A2ML1: variants seen among roughly 807,000 people sequenced by gnomAD.
A2ML1 encodes alpha-2-macroglobulin-like protein 1.
In A2ML1, 161 loss-of-function variants were observed where a neutral mutation model predicts 181.9. That is an observed-to-expected ratio of 0.89 (90% CI 0.78 to 1.01). A2ML1 has a LOEUF of 1.01. A2ML1 is among the 50% of genes least tolerant of loss of function. The probability of loss-of-function intolerance (pLI) is 0.00; values close to 1 mark genes in which losing one functional copy is unlikely to be tolerated. For synonymous variants in A2ML1, 663 were observed against 666.8 expected (o/e 0.99, Z 0.09); for missense variants, 1,670 against 1,768.1 (o/e 0.94, Z 1.00).
chr12:8,843,094 G>A, intron 11 of A2ML1, 40 bp from the exon 12 acceptor site: 2 of 1,580,016 alleles, frequency 1.3e-6, no homozygotes, highest in East Asian at 2.2e-5. Flanking sequence ...TCCATGGTTG[G>A]AGCACATGCT....
chr12:8,875,151 G>T (rs1592165106), intron 35 of A2ML1, 139 bp downstream of exon 35: 2 of 851,784 alleles, frequency 2.3e-6, no homozygotes, highest in African/African-American at 3.4e-5. Context: ...CAGTGGCGGA[G>T]GTTGAGTGGC....
chr12:8,857,783 T>C, intron 25 of A2ML1, 163 bp from the exon 26 acceptor site: 2 of 1,141,198 alleles, frequency 1.8e-6, no homozygotes, highest in Non-Finnish European at 1.3e-6. Flanking sequence ...CCCCTGTTCT[T>C]GTCCTCATTG....
chr12:8,836,639 A>T (rs908615436), intron 7 of A2ML1, among the ~76,000 whole-genome samples: 1 of 151,730 alleles, frequency 6.6e-6, no homozygotes, highest in Non-Finnish European at 1.5e-5. Flanking sequence ...GCGCGCCACC[A>T]TGCCTGGCTA....
chr12:8,878,799 C>T (rs148670136), downstream of A2ML1, among the ~76,000 whole-genome samples: 951 of 151,820 alleles, frequency 6.3e-3, 8 homozygotes, highest in African/African-American at 0.021. This position sits in a 1 kb window ranked among gnomAD's most constrained non-coding sequence, Gnocchi z 4.4. Context: ...TCCATCTCTA[C>T]CAAAAATACA....
intron 11 of A2ML1, among the ~76,000 whole-genome samples, chr12:8,842,301 TC>T (rs1256339566): frequency 9.2e-5 from 14 of 151,502 alleles, no homozygotes; most frequent in Middle Eastern, 3.4e-3. Context: ...CACTGCAAGC[TC>T]CGCCTCCCCG....
chr12:8,823,292 C>CCA lies in A2ML1; in HGVS notation c.174_175dup (p.Lys59ThrfsTer9), dbSNP rs745711489. ...GTTAAATTCACGGTTACTCTGGAGACCAAGGACAAGACCCAGAAGTTGCTA... is the reference window on the plus strand; with the variant it reads ...GTTAAATTCACGGTTACTCTGGAGACCACAAGGACAAGACCCAGAAGTTGCTA... On this transcript the variant is annotated frameshift_variant, in exon 2 of 36. Coordinates refer to ENST00000299698, the MANE Select transcript of A2ML1 (RefSeq NM_144670.6). LOFTEE classifies it high-confidence loss of function. 8.8e-5 allele frequency: 142 copies of CCA among 1,614,050 alleles called. No homozygotes were observed. In the African/African-American group the frequency reaches 1.8e-3, roughly 20 times the overall value.
intron 13 of A2ML1, 146 bp downstream of exon 13, chr12:8,845,648 C>T: frequency 2.7e-6 from 2 of 730,276 alleles, no homozygotes; most frequent in Non-Finnish European, 4.5e-6. Context: ...GAGATCGAGA[C>T]CATCTTGGCT....
intron 21 of A2ML1, 76 bp from the exon 22 acceptor site, chr12:8,854,704 C>T: frequency 6.5e-7 from 1 of 1,540,872 alleles, no homozygotes; most frequent in South Asian, 1.1e-5. Flanking sequence ...CGAGGGGCCT[C>T]CCTTCCCTTT....
At position 8,874,513 on chromosome 12, in the gene A2ML1, A is replaced by C. The variant is rs750737813; in HGVS notation, c.4310A>C (p.Asp1437Ala). The change falls in exon 34 of 36, where the codon GAC becomes GCC. Residue 1437 changes from aspartate to alanine, a missense_variant. Transcript: ENST00000299698. ...NLKPATIKVYDYYLPDEQATI... is the reference protein window; with the variant it reads ...NLKPATIKVYAYYLPDEQATI... ...AAACCAGCAACCATCAAGGTCTATGACTACTACCTACCAGGTGAGAGGGCT... is the reference window on the plus strand; with the variant it reads ...AAACCAGCAACCATCAAGGTCTATGCCTACTACCTACCAGGTGAGAGGGCT... The C allele has an allele frequency of 6.2e-7, 1 of 1,613,532 alleles. No individual in the cohort carries two copies. Among genetic ancestry groups the C allele is most frequent in the Non-Finnish European group, 8.5e-7 (1 of 1,179,482 alleles).
At chr12:8,827,591 A>T (rs778662599) in intron 3 of A2ML1, among the ~76,000 whole-genome samples, 1 of 151,818 alleles carries the variant, frequency 6.6e-6, no homozygotes, top group South Asian at 2.1e-4. Context: ...TTTCTGGGAG[A>T]TTGGTTGCTG....
chr12:8,840,550 G>C (rs1187588546), intron 10 of A2ML1, among the ~76,000 whole-genome samples: 1 of 152,206 alleles, frequency 6.6e-6, no homozygotes, highest in East Asian at 1.9e-4. Context: ...AAGGGTGGGT[G>C]CAAATTATTT....
At chr12:8,831,790 C>T (rs1349890142) in intron 4 of A2ML1, among the ~76,000 whole-genome samples, 1 of 151,550 alleles carries the variant, frequency 6.6e-6, no homozygotes, top group Non-Finnish European at 1.5e-5. Context: ...ATTCTTGTTG[C>T]CCAGGCTGGA....
At chr12:8,840,885 C>T (rs1383769514) in intron 10 of A2ML1, among the ~76,000 whole-genome samples, 19 of 144,712 alleles carry the variant, frequency 1.3e-4, no homozygotes, top group Admixed American at 7.8e-4. Flanking sequence ...CCAGCCTGGG[C>T]GACAGACTGA....
In A2ML1 at chr12:8,823,899, T is replaced by TG. The variant is rs776697670; in HGVS notation, c.409+21dup. ...GGCAGCAAGGTAAGAGTCACATATT[T>TG]GGGGTTCGACTAAAACCTGGGGAAA... On this transcript the variant is annotated intron_variant, in intron 3 of 35. Transcript: ENST00000299698. 5.0e-6 allele frequency: 8 copies of TG among 1,602,400 alleles called. No individual in the cohort carries two copies. Among genetic ancestry groups the TG allele is most frequent in the Non-Finnish European group, 6.8e-6 (8 of 1,173,350 alleles).
At chr12:8,853,988 C>A in intron 20 of A2ML1, 140 bp from the exon 21 acceptor site, 1 of 1,129,264 alleles carries the variant, frequency 8.9e-7, no homozygotes, top group Non-Finnish European at 1.2e-6. Flanking sequence ...AATATGGGCC[C>A]CACCCCAGGT....
Position 8,858,031 on chromosome 12 carries a change from T to C in A2ML1, c.3193T>C (p.Trp1065Arg). ...CAAGAACATCCAGGATGCTCTCAAG[T>C]GGATGGCAGGAAACCAGCTCCCCAG... ...DPKNIQDALKWMAGNQLPSGC... is the reference protein window; with the variant it reads ...DPKNIQDALKRMAGNQLPSGC... The change falls in exon 26 of 36, where the codon TGG (tryptophan) becomes CGG (arginine). Residue 1065 changes from tryptophan to arginine, a missense_variant. Physicochemically the swap from Trp to Arg is moderately radical, Grantham distance 101. Coordinates refer to ENST00000299698, the MANE Select transcript of A2ML1 (RefSeq NM_144670.6). The C allele has an allele frequency of 6.2e-7, 1 of 1,614,176 alleles. No individual in the cohort carries two copies. The highest frequency in any genetic ancestry group is 8.5e-7 in the Non-Finnish European group (1 of 1,180,040).
rs6487422 is a variant in A2ML1 at position 8,862,003 on chromosome 12, A to G, written c.3502+706A>G. 0.94 allele frequency among the ~76,000 whole-genome samples: 142,244 copies of G among 151,532 alleles called. 67,410 individuals carry two copies. The highest frequency in any genetic ancestry group is 1 in the East Asian group (5,094 of 5,096). On this transcript the variant is annotated intron_variant, in intron 28 of 35. Coordinates refer to ENST00000299698, the MANE Select transcript of A2ML1 (RefSeq NM_144670.6). The stretch of plus-strand genomic sequence containing the variant: ...TCGAATTCTTGACCTCAGGTGATCC[A>G]CCTGCCTCGGCCTCCCAAAGTGCTG...
In A2ML1 at chr12:8,823,037, G is replaced by C. The variant is rs1942794713; in HGVS notation, c.63-145G>C. ...CTGTGCACTGAGTCGTTGCCCCTCT[G>C]CTTCTTGTAGAAAATGAGGTGCATA... On this transcript the variant is annotated intron_variant, in intron 1 of 35. Coordinates refer to ENST00000299698, the MANE Select transcript of A2ML1 (RefSeq NM_144670.6). 3.6e-6 allele frequency: 3 copies of C among 834,640 alleles called. No individual in the cohort carries two copies. In the African/African-American group the frequency reaches 5.1e-5, roughly 14 times the overall value. 51.7% of individuals were successfully genotyped at this position (834,640 alleles called of 1,614,324 possible).
chr12:8,861,138 C>A lies in A2ML1; in HGVS notation c.3343C>A (p.Pro1115Thr). ...AGTCTTCATCTTCACTTTTTAGGAC[C>A]CAATGGTGAGTCAGGGTCTACGGTG... Reference protein sequence around the residue: ...LLEMGKDVDDPMVSQGLRCLK... With the variant: ...LLEMGKDVDDTMVSQGLRCLK... Residue 1115 changes from proline to threonine, a missense_variant, in exon 28 of 36, where the codon CCA becomes ACA. By Grantham distance (38) the Pro-to-Thr change is conservative. Coordinates refer to ENST00000299698, the MANE Select transcript of A2ML1 (RefSeq NM_144670.6). 1.9e-6 allele frequency: 3 copies of A among 1,614,042 alleles called. No individual in the cohort carries two copies. Among genetic ancestry groups the A allele is most frequent in the Non-Finnish European group, 1.7e-6 (2 of 1,180,012 alleles).
Sources: gnomAD v4.1 joint callset for allele counts (sites outside exome capture counted in the v4.1 genomes callset) on GRCh38, gnomAD v4.1.1 for gene constraint, Gnocchi (gnomAD v3.1) non-coding constraint, MANE v1.5 for transcripts, NCBI Gene and HGNC (gene_info 2026-07-23, HGNC 2026-07-21) for gene names.